The following ANKS1B variants were observed in gnomAD, a reference collection of about 807,000 sequenced individuals.
The protein encoded by ANKS1B is ankyrin repeat and sterile alpha motif domain containing 1B.
ANKS1B carries 36 observed loss-of-function variants against 148.3 expected under a neutral mutation model. The ratio of observed to expected loss-of-function variants is 0.24; its 90% CI spans 0.19 to 0.32. The LOEUF (loss-of-function observed/expected upper bound fraction) is 0.32. ANKS1B is among the 10% of genes least tolerant of loss of function. The probability of loss-of-function intolerance (pLI) is 1.00; values close to 1 mark genes in which losing one functional copy is unlikely to be tolerated. For missense variants in ANKS1B, 1,157 were observed against 1,542.6 expected (o/e 0.75, Z 4.19); for synonymous variants, 542 against 560.8 (o/e 0.97, Z 0.47).
At chr12:98,857,429 T>C (rs1228053894) in intron 17 of ANKS1B, among the ~76,000 whole-genome samples, 2 of 151,980 alleles carry the variant, frequency 1.3e-5, no homozygotes. Flanking sequence ...AGAGAACTGA[T>C]TGAGCTTGAG....
intron 10 of ANKS1B, among the ~76,000 whole-genome samples, chr12:99,449,849 C>A (rs575229590): frequency 5.9e-5 from 9 of 152,200 alleles, no homozygotes; most frequent in African/African-American, 2.2e-4. Context: ...AGACATTGTA[C>A]TGTTCAAAGT....
chr12:99,749,577 A>C (rs1281959200), intron 8 of ANKS1B, among the ~76,000 whole-genome samples: 1 of 152,108 alleles, frequency 6.6e-6, no homozygotes, highest in Non-Finnish European at 1.5e-5. Context: ...ATATGGCAGA[A>C]ATTTTCTCTT....
intron 17 of ANKS1B, among the ~76,000 whole-genome samples, chr12:98,879,189 G>T (rs572407446): frequency 1.1e-4 from 16 of 152,298 alleles, no homozygotes; most frequent in African/African-American, 3.6e-4. Flanking sequence ...ATGAAAGCTG[G>T]CATGAAATAA....
chr12:99,171,016 G>A (rs950679523), intron 14 of ANKS1B, among the ~76,000 whole-genome samples: 3 of 152,148 alleles, frequency 2.0e-5, no homozygotes, highest in African/African-American at 7.2e-5. Flanking sequence ...CCCACATTGG[G>A]GAAAGAAACT....
At chr12:99,390,399 A>G (rs568214283) in intron 12 of ANKS1B, among the ~76,000 whole-genome samples, 1 of 152,284 alleles carries the variant, frequency 6.6e-6, no homozygotes, top group Admixed American at 6.5e-5. Flanking sequence ...CTTTAGACCA[A>G]TCAGAATGAC....
chr12:98,945,103 T>C (rs777405229), intron 17 of ANKS1B, among the ~76,000 whole-genome samples: 8 of 152,302 alleles, frequency 5.3e-5, no homozygotes, highest in Non-Finnish European at 1.0e-4. Flanking sequence ...TGTATATTTA[T>C]GTAGAAGGCA....
At chr12:99,658,230 T>C (rs1490004568) in intron 8 of ANKS1B, among the ~76,000 whole-genome samples, 1 of 152,148 alleles carries the variant, frequency 6.6e-6, no homozygotes, top group African/African-American at 2.4e-5. Context: ...ACTAGCCGTA[T>C]GATTTTCAGC....
At chr12:99,755,738 G>A (rs1190348449) in intron 8 of ANKS1B, among the ~76,000 whole-genome samples, 1 of 151,868 alleles carries the variant, frequency 6.6e-6, no homozygotes, top group Non-Finnish European at 1.5e-5. Context: ...CACATTAACA[G>A]AACTAAAGAC....
chr12:99,064,566 A>G (rs969042583), intron 16 of ANKS1B, among the ~76,000 whole-genome samples: 3 of 152,236 alleles, frequency 2.0e-5, no homozygotes, highest in African/African-American at 4.8e-5. Context: ...TCCTTGGGAA[A>G]AAAGGTCAAC....
intron 17 of ANKS1B, among the ~76,000 whole-genome samples, chr12:98,921,045 G>T (rs1158286176): frequency 6.6e-6 from 1 of 152,162 alleles, no homozygotes; most frequent in Non-Finnish European, 1.5e-5. Context: ...TACAGGGAGA[G>T]AAAACATAAT....
At chr12:99,116,127 G>A (rs1215481550) in intron 15 of ANKS1B, among the ~76,000 whole-genome samples, 1 of 152,052 alleles carries the variant, frequency 6.6e-6, no homozygotes, top group Admixed American at 6.6e-5. Flanking sequence ...AATTTTATGT[G>A]CGTAAAGTGC....
At chr12:99,655,306 G>T in intron 8 of ANKS1B, 96 bp from the exon 9 acceptor site, 1 of 1,124,948 alleles carries the variant, frequency 8.9e-7, no homozygotes, top group Non-Finnish European at 1.2e-6. Context: ...GGTATATCTC[G>T]GCAAACAAGT....
intron 9 of ANKS1B, among the ~76,000 whole-genome samples, chr12:99,532,554 G>T (rs1297263492): frequency 6.6e-6 from 1 of 152,080 alleles, no homozygotes; most frequent in Non-Finnish European, 1.5e-5. Context: ...TACAGACGGG[G>T]TTTCATCGTG....
At chr12:99,255,310 G>T (rs192586399) in intron 12 of ANKS1B, among the ~76,000 whole-genome samples, 124 of 152,036 alleles carry the variant, frequency 8.2e-4, no homozygotes, top group Non-Finnish European at 1.5e-3. Flanking sequence ...ACTTTGAATG[G>T]TTTTTTGTAT....
At chr12:98,781,629 C>T (rs1446900366) in intron 23 of ANKS1B, 3 of 359,006 alleles carry the variant, frequency 8.4e-6, no homozygotes, top group Non-Finnish European at 1.6e-5. Flanking sequence ...TATATGCACC[C>T]CCCCTTTTCC....
At chr12:99,342,904 A>G (rs990276345) in intron 12 of ANKS1B, among the ~76,000 whole-genome samples, 3 of 151,954 alleles carry the variant, frequency 2.0e-5, no homozygotes, top group African/African-American at 7.2e-5. Context: ...AAATTTGCCT[A>G]AAGCTCCTTC....
intron 9 of ANKS1B, among the ~76,000 whole-genome samples, chr12:99,506,309 C>G (rs73147348): frequency 1.3e-5 from 2 of 151,920 alleles, no homozygotes. Flanking sequence ...AGATTTAGTA[C>G]GAATTCCTAG....
At chr12:99,449,116 C>A (rs1594978456) in intron 10 of ANKS1B, among the ~76,000 whole-genome samples, 1 of 139,000 alleles carries the variant, frequency 7.2e-6, no homozygotes, top group African/African-American at 3.3e-5. Context: ...GGTTCTTAAT[C>A]AAGTATATGA....
chr12:99,225,601 G>T (rs2085797712), intron 14 of ANKS1B, among the ~76,000 whole-genome samples: 1 of 152,134 alleles, frequency 6.6e-6, no homozygotes, highest in Non-Finnish European at 1.5e-5. Context: ...CTACAAAAAA[G>T]CAGGCAGAAT....
Sources: allele counts gnomAD v4.1 joint callset (sites outside exome capture counted in the v4.1 genomes callset), GRCh38; gene constraint gnomAD v4.1.1; transcripts MANE v1.5; gene names NCBI Gene and HGNC (gene_info 2026-07-23, HGNC 2026-07-21).